Variants in PTGFR observed in about 807,000 individuals in gnomAD.
PTGFR encodes prostaglandin F2-alpha receptor.
In PTGFR, 15 loss-of-function variants were observed where a neutral mutation model predicts 26.2. The observed-to-expected ratio is 0.57, with a 90% CI of 0.38 to 0.88. The LOEUF is 0.88. PTGFR is among the 40% of genes least tolerant of loss of function. The probability of loss-of-function intolerance (pLI) is 0.00; values close to 1 mark genes in which losing one functional copy is unlikely to be tolerated. For synonymous variants in PTGFR, 165 were observed against 151.1 expected, an observed-to-expected ratio of 1.09 and a Z score of -0.68; for missense variants, 369 against 427.2, an observed-to-expected ratio of 0.86 and a Z score of 1.20.
chr1:78,520,528 C>T (rs983407250), intron 2 of PTGFR, among the ~76,000 whole-genome samples: 10 of 152,020 alleles, frequency 6.6e-5, no homozygotes, highest in African/African-American at 2.2e-4. Context: ...AAGAAATTTC[C>T]GGAGCTTTTG....
intron 2 of PTGFR, among the ~76,000 whole-genome samples, chr1:78,534,043 A>G (rs966738529): frequency 2.6e-5 from 4 of 152,162 alleles, no homozygotes; most frequent in African/African-American, 7.2e-5. Flanking sequence ...AGAATATTCA[A>G]ATACTTTGTC....
At chr1:78,498,069 TG>T in intron 2 of PTGFR, 2 of 718,722 alleles carry the variant, frequency 2.8e-6, no homozygotes, top group Non-Finnish European at 4.5e-6. Flanking sequence ...CTAAGGTGTT[TG>T]TTAGATATAG....
chr1:78,500,082 C>G (rs1313622551), intron 2 of PTGFR, among the ~76,000 whole-genome samples: 1 of 150,880 alleles, frequency 6.6e-6, no homozygotes, highest in Non-Finnish European at 1.5e-5. Flanking sequence ...GGTATTTTAT[C>G]TCTGAGAGAA....
intron 2 of PTGFR, among the ~76,000 whole-genome samples, chr1:78,519,964 C>T (rs555231131): frequency 6.6e-6 from 1 of 152,136 alleles, no homozygotes; most frequent in South Asian, 2.1e-4. Context: ...GTTAAATTAT[C>T]TCATCTTTTC....
At chr1:78,503,194 A>C (rs1649751166) in intron 2 of PTGFR, among the ~76,000 whole-genome samples, 1 of 151,936 alleles carries the variant, frequency 6.6e-6, no homozygotes, top group African/African-American at 2.4e-5. Flanking sequence ...TTAATATTAA[A>C]TTAAAATTTT....
At position 78,512,867 on chromosome 1, in the gene PTGFR, GT is replaced by G. The variant is rs779165895; in HGVS notation, c.798+19328del. On this transcript the variant is annotated intron_variant, in intron 2 of 2. Transcript: ENST00000370757. ...GTTGTGATATCTGGCATGATATCTG[GT>G]TGTTTCAGAGTGTGGGACCTCCCCC... is the stretch of plus-strand genomic sequence containing the variant. 2.6e-5 allele frequency among the ~76,000 whole-genome samples: 4 copies of G among 151,970 alleles called. No homozygotes were observed. In the South Asian group the frequency reaches 6.2e-4, roughly 24 times the overall value.
chr1:78,518,830 G>C (rs561512540), intron 2 of PTGFR, among the ~76,000 whole-genome samples: 11 of 152,008 alleles, frequency 7.2e-5, no homozygotes, highest in African/African-American at 2.7e-4. Flanking sequence ...TTTCCATAAG[G>C]CCTTAAAATA....
In PTGFR at chr1:78,536,398, G is replaced by T. The variant is rs761772500; in HGVS notation, c.799-8G>T. ...ATCAACTAATTTCCGTGTTTTCTTC[G>T]TTTCTAGGTTACAATGGCCAACATT... is the stretch of plus-strand genomic sequence containing the variant. On this transcript the variant is annotated splice_polypyrimidine_tract_variant and splice_region_variant and intron_variant, in intron 2 of 2. Coordinates refer to ENST00000370757, the MANE Select transcript of PTGFR (RefSeq NM_000959.4). 1 of 1,596,864 alleles carries T rather than the reference G, an allele frequency of 6.3e-7. No homozygotes were observed. The highest frequency in any genetic ancestry group is 1.8e-5 in the Admixed American group (1 of 56,768).
intron 2 of PTGFR, among the ~76,000 whole-genome samples, chr1:78,528,572 T>C (rs548977719): frequency 2.6e-5 from 4 of 152,274 alleles, no homozygotes; most frequent in Admixed American, 2.0e-4. Context: ...AATTTGTTGG[T>C]CTTCTAGTAT....
rs1299186100 is a variant in PTGFR, at chr1:78,536,736, G to A, written c.*49G>A. 9 of 1,543,332 alleles carry A rather than the reference G, an allele frequency of 5.8e-6. No homozygotes were observed. Among genetic ancestry groups the A allele is most frequent in the Non-Finnish European group, 7.8e-6 (9 of 1,147,052 alleles). On this transcript the variant is annotated 3_prime_UTR_variant, in exon 3 of 3. Transcript: ENST00000370757. ...TGGGGCTAGAACAAAATTAAGACAT[G>A]TTTGGCAATATTTCAGTTAGTTAAA...
intron 2 of PTGFR, among the ~76,000 whole-genome samples, chr1:78,526,218 T>C (rs1319836594): frequency 6.6e-6 from 1 of 152,138 alleles, no homozygotes; most frequent in Non-Finnish European, 1.5e-5. Context: ...TATTCAGCAA[T>C]AGAAAATTGA....
chr1:78,492,523 C>A, intron 1 of PTGFR, 149 bp from the exon 2 acceptor site: 1 of 465,372 alleles, frequency 2.1e-6, no homozygotes, highest in Non-Finnish European at 3.7e-6. Flanking sequence ...GAACCGCAGG[C>A]AGATATGAGC....
Position 78,494,693 on chromosome 1 carries a change from C to T in PTGFR, c.798+1152C>T, listed in dbSNP as rs896660070. ...CGATCTCGGCTTATTGCAACCTCCG[C>T]CTCCCAGGTTCAAGCAATTCTCTTG... On this transcript the variant is annotated intron_variant, in intron 2 of 2. Coordinates refer to ENST00000370757, the MANE Select transcript of PTGFR (RefSeq NM_000959.4). 3.3e-5 allele frequency among the ~76,000 whole-genome samples: 5 copies of T among 152,196 alleles called. 1 individual carries two copies. In the East Asian group the frequency reaches 9.6e-4, roughly 29 times the overall value.
At chr1:78,526,754 T>C (rs1368860767) in intron 2 of PTGFR, among the ~76,000 whole-genome samples, 1 of 152,022 alleles carries the variant, frequency 6.6e-6, no homozygotes, top group African/African-American at 2.4e-5. Context: ...GTATTGTGAA[T>C]GAGGTGCCTT....
chr1:78,491,331 T>A (rs950244546), intron 1 of PTGFR, 95 bp downstream of exon 1: 1 of 152,624 alleles, frequency 6.6e-6, no homozygotes, highest in African/African-American at 2.4e-5. Flanking sequence ...CAGCCACAGC[T>A]TCTGCTGGCT....
intron 2 of PTGFR, among the ~76,000 whole-genome samples, chr1:78,499,495 T>C (rs115928604): frequency 1.3e-5 from 2 of 152,350 alleles, no homozygotes; most frequent in Non-Finnish European, 2.9e-5. Context: ...ATGAATCTTA[T>C]GTAAAGGAGG....
chr1:78,520,191 A>G (rs960454965), intron 2 of PTGFR, among the ~76,000 whole-genome samples: 2 of 152,104 alleles, frequency 1.3e-5, no homozygotes, highest in Non-Finnish European at 2.9e-5. Context: ...TGGTTAAACA[A>G]CCAGAGAAAT....
intron 2 of PTGFR, among the ~76,000 whole-genome samples, chr1:78,506,149 G>A (rs970434299): frequency 6.6e-6 from 1 of 152,042 alleles, no homozygotes; most frequent in Non-Finnish European, 1.5e-5. Context: ...ATTCCTAACA[G>A]CAACGTGCGA....
At chr1:78,497,308 A>G (rs1322662551) in intron 2 of PTGFR, among the ~76,000 whole-genome samples, 2 of 152,170 alleles carry the variant, frequency 1.3e-5, no homozygotes, top group Non-Finnish European at 2.9e-5. Context: ...ACAGGAAACT[A>G]CAACTGACGC....
Sources: gnomAD v4.1 joint callset for allele counts (sites outside exome capture counted in the v4.1 genomes callset) on GRCh38, gnomAD v4.1.1 for gene constraint, MANE v1.5 for transcripts, NCBI Gene and HGNC (gene_info 2026-07-23, HGNC 2026-07-21) for gene names.